Variants in ATG9A observed in about 807,000 individuals in gnomAD.
The protein encoded by ATG9A is autophagy related 9A, also known as autophagy-related protein 9A.
ATG9A carries 21 observed loss-of-function variants against 87.1 expected under a neutral mutation model. The ratio of observed to expected loss-of-function variants is 0.24; its 90% confidence interval spans 0.17 to 0.35. The LOEUF (loss-of-function observed/expected upper bound fraction) is 0.35, where lower values mean the gene tolerates loss of function less well. Ranked by LOEUF, ATG9A falls within the 10% of genes least tolerant of loss-of-function variation. The pLI, the probability that ATG9A is intolerant of heterozygous loss-of-function variation, is 1.00. For synonymous variants in ATG9A, 422 were observed against 441.3 expected, an observed-to-expected ratio of 0.96 and a Z score of 0.55; for missense variants, 836 against 1,107.3, an observed-to-expected ratio of 0.76 and a Z score of 3.48.
intron 13 of ATG9A, among the ~76,000 whole-genome samples, chr2:219,221,510 A>C (rs1465797655): frequency 6.6e-6 from 1 of 152,130 alleles, no homozygotes; most frequent in Non-Finnish European, 1.5e-5. Context: ...CTGTGTTGTA[A>C]TGGCCCTCAT....
At chr2:219,228,354 T>C in intron 2 of ATG9A, 80 bp downstream of exon 2, 1 of 299,930 alleles carries the variant, frequency 3.3e-6, no homozygotes, top group Non-Finnish European at 6.3e-6. Context: ...CCGCCCATCC[T>C]GGGAACCCTG....
intron 15 of ATG9A, 45 bp from the exon 16 acceptor site, chr2:219,220,497 G>A: frequency 6.2e-7 from 1 of 1,610,546 alleles, no homozygotes; most frequent in Non-Finnish European, 8.5e-7. Flanking sequence ...TTCAGCTTCT[G>A]GTTGATACCT....
intron 5 of ATG9A, among the ~76,000 whole-genome samples, 179 bp downstream of exon 5, chr2:219,226,690 A>G (rs992171993): frequency 6.6e-6 from 1 of 152,138 alleles, no homozygotes; most frequent in African/African-American, 2.4e-5. Flanking sequence ...CCATCTCAAA[A>G]AAAAAGAAAG....
At position 219,222,483 on chromosome 2, in the gene ATG9A, G is replaced by T; in HGVS notation, c.1849-33C>A. On this transcript the variant is annotated intron_variant, in intron 11 of 15. Coordinates refer to ENST00000361242, the MANE Select transcript of ATG9A (RefSeq NM_001077198.3). This position sits in a 1 kb window ranked among gnomAD's most constrained non-coding sequence, Gnocchi z 4.3. The stretch of plus-strand genomic sequence containing the variant: ...CGAAACGGGTAGGTAGAATTCTTGA[G>T]GCAAGAGAAAGGTCTCTGGGGTCCC... 1 of 1,542,988 alleles carries T rather than the reference G, an allele frequency of 6.5e-7. No individual in the cohort carries two copies. Among genetic ancestry groups the T allele is most frequent in the Non-Finnish European group, 8.7e-7 (1 of 1,146,086 alleles).
Position 219,223,531 on chromosome 2 carries a change from C to A in ATG9A, c.1599+54G>T. 1 of 1,531,382 alleles carries A rather than the reference C, an allele frequency of 6.5e-7. No homozygotes were observed. The highest frequency in any genetic ancestry group is 2.1e-5 in the Admixed American group (1 of 48,496). 94.9% of individuals were successfully genotyped at this position (1,531,382 alleles called of 1,614,324 possible). A position where few individuals can be genotyped will look rare whatever the true frequency, so the allele number is the denominator to read the frequency against. On this transcript the variant is annotated intron_variant, in intron 10 of 15. Transcript: ENST00000361242. The surrounding 1 kb of genome is among the most constrained non-coding windows in gnomAD (Gnocchi z 4.7). ...TGTCTTTTTGCGGTTTTCCCAAAGA[C>A]ACTGTATGTTCCAGCATCATCCCAG...
Position 219,222,241 on chromosome 2 carries a change from T to G in ATG9A, c.2027+31A>C. ...CCACACAAGCTGCTGAGGGCTGCCG[T>G]GCCCTCCCATCTTGGCCCCGATTTA... On this transcript the variant is annotated intron_variant, in intron 12 of 15. Coordinates refer to ENST00000361242, the MANE Select transcript of ATG9A (RefSeq NM_001077198.3). This position sits in a 1 kb window ranked among gnomAD's most constrained non-coding sequence, Gnocchi z 4.3. 1 of 1,613,396 alleles carries G rather than the reference T, an allele frequency of 6.2e-7. No individual in the cohort carries two copies. Among genetic ancestry groups the G allele is most frequent in the East Asian group, 2.2e-5 (1 of 44,870 alleles).
In ATG9A at chr2:219,225,475, G is replaced by A; in HGVS notation, c.310C>T (p.Pro104Ser). 1.2e-6 allele frequency: 2 copies of A among 1,614,200 alleles called. No homozygotes were observed. Among genetic ancestry groups the A allele is most frequent in the Non-Finnish European group, 1.7e-6 (2 of 1,180,032 alleles). The change falls in exon 6 of 16, where the codon CCT becomes TCT. Residue 104 changes from proline to serine, a missense_variant. Pro to Ser is a moderately conservative substitution (Grantham distance 74). This residue lies in a region of ATG9A where 512 missense variants were observed against 759.6 expected (regional missense o/e 0.67). Coordinates refer to ENST00000361242, the MANE Select transcript of ATG9A (RefSeq NM_001077198.3). ...ANKMVNHSLH[P>S]TEPVKVTLPD... The stretch of plus-strand genomic sequence containing the variant: ...AGAGTGACCTTGACGGGTTCAGTAG[G>A]GTGAAGACTGTGGTTCACCATCTTG...
chr2:219,220,513 C>T, intron 15 of ATG9A, 61 bp from the exon 16 acceptor site: 1 of 1,603,020 alleles, frequency 6.2e-7, no homozygotes, highest in East Asian at 2.2e-5. Context: ...TACCTGCTAG[C>T]CCCATAGAAA....
At position 219,223,722 on chromosome 2, in the gene ATG9A, G is replaced by A. The variant is rs761747353; in HGVS notation, c.1462C>T (p.Leu488Phe). ...EELLSPIVTP[L>F]ILIFCLRPRA... is the part of the protein sequence containing the mutation. ...GGGCGCAGGCAGAAGATGAGGATGA[G>A]GGGTGTGACAATGGGGCTCAGCAAC... Residue 488 changes from leucine (L) to phenylalanine (F), a missense_variant, in exon 10 of 16, where the codon CTC becomes TTC. Leu to Phe is a conservative substitution (Grantham distance 22, BLOSUM62 0). Transcript: ENST00000361242. The surrounding 1 kb of genome is among the most constrained non-coding windows in gnomAD (Gnocchi z 4.7). 75 of 1,613,546 alleles carry A rather than the reference G, an allele frequency of 4.6e-5. No homozygotes were observed. The highest frequency in any genetic ancestry group is 5.9e-5 in the Non-Finnish European group (70 of 1,179,876).
At position 219,222,748 on chromosome 2, in the gene ATG9A, T is replaced by A; in HGVS notation, c.1745A>T (p.Glu582Val). The A allele has an allele frequency of 1.2e-6, 2 of 1,614,184 alleles. No homozygotes were observed. The highest frequency in any genetic ancestry group is 1.1e-5 in the South Asian group (1 of 91,090). Reference protein sequence around the residue: ...ESTAFLGFLKEQVQRDGAAAS... With the variant: ...ESTAFLGFLKVQVQRDGAAAS... ...AGCTGCTCCATCCCGCTGAACCTGC[T>A]CCTTGAGGAAGCCTAGGAAGGCTGT... is the stretch of plus-strand genomic sequence containing the variant. The change falls in exon 11 of 16, where the codon GAG becomes GTG. Residue 582 changes from glutamate to valine, a missense_variant. By Grantham distance (121) the Glu-to-Val change is moderately radical. Coordinates refer to ENST00000361242, the MANE Select transcript of ATG9A (RefSeq NM_001077198.3). The surrounding 1 kb of genome is among the most constrained non-coding windows in gnomAD (Gnocchi z 4.3).
rs1950804526 is a variant in ATG9A at position 219,223,450 on chromosome 2, G to C, written c.1599+135C>G. ...CGAATTAGGGCTGAAATCCAGCCCA[G>C]GCTCCCAAGCAGTGTGCCCCTGGTA... On this transcript the variant is annotated intron_variant, in intron 10 of 15. Coordinates refer to ENST00000361242, the MANE Select transcript of ATG9A (RefSeq NM_001077198.3). This position sits in a 1 kb window ranked among gnomAD's most constrained non-coding sequence, Gnocchi z 4.7. 1 of 1,110,826 alleles carries C rather than the reference G, an allele frequency of 9.0e-7. No homozygotes were observed. Among genetic ancestry groups the C allele is most frequent in the Admixed American group, 3.1e-5 (1 of 32,776 alleles). The allele number at this position is 1,110,826 out of a possible 1,614,324, so 68.8% of individuals were successfully genotyped here.
In ATG9A at chr2:219,228,071, G is replaced by A. The variant is rs2106447339; in HGVS notation, c.-29-18C>T. The A allele has an allele frequency of 2.0e-6, 3 of 1,537,072 alleles. No individual in the cohort carries two copies. The highest frequency in any genetic ancestry group is 2.3e-5 in the South Asian group (2 of 88,132). ...TTGACCACCTGCCAATAAGGAGGAA[G>A]AAGAGACCCTGATTCAGTTCCAGCT... On this transcript the variant is annotated intron_variant, in intron 2 of 15. Coordinates refer to ENST00000361242, the MANE Select transcript of ATG9A (RefSeq NM_001077198.3).
At chr2:219,221,962 A>G (rs1301852157) in intron 13 of ATG9A, 88 bp downstream of exon 13, 3 of 1,189,920 alleles carry the variant, frequency 2.5e-6, no homozygotes, top group Non-Finnish European at 3.6e-6. Flanking sequence ...AGGTGGCAGA[A>G]CAAGTAAATG....
At chr2:219,227,728 A>G in intron 4 of ATG9A, 42 bp downstream of exon 4, 1 of 1,606,708 alleles carries the variant, frequency 6.2e-7, no homozygotes, top group Non-Finnish European at 8.5e-7. Context: ...TTAGAGAGAC[A>G]TTAAAGGTCC....
In ATG9A at chr2:219,222,556, C is replaced by T. The variant is rs1467786375; in HGVS notation, c.1848+89G>A. On this transcript the variant is annotated intron_variant, in intron 11 of 15. Coordinates refer to ENST00000361242, the MANE Select transcript of ATG9A (RefSeq NM_001077198.3). This position sits in a 1 kb window ranked among gnomAD's most constrained non-coding sequence, Gnocchi z 4.3. ...CCAGTGGCACATACTGAAGAGACAG[C>T]AGGAAGCCTTCCACCCCATGCCCGG... The T allele has an allele frequency of 3.8e-6, 6 of 1,584,510 alleles. No homozygotes were observed. The Admixed American group carries it at 5.1e-5, about 13-fold the overall frequency.
Position 219,226,903 on chromosome 2 carries a change from T to C in ATG9A, c.178A>G (p.Thr60Ala). 2 of 1,613,852 alleles carry C rather than the reference T, an allele frequency of 1.2e-6. No individual in the cohort carries two copies. The highest frequency in any genetic ancestry group is 1.7e-6 in the Non-Finnish European group (2 of 1,179,662). Residue 60 changes from threonine to alanine, a missense_variant, in exon 5 of 16, where the codon ACA becomes GCA. Thr to Ala is a moderately conservative substitution (Grantham distance 58). Coordinates refer to ENST00000361242, the MANE Select transcript of ATG9A (RefSeq NM_001077198.3). The part of the protein sequence containing the change: ...VYNLHQKNGF[T>A]CMLIGEIFEL... ...AAGATCTCCCCGATGAGCATACATG[T>C]GAAGCCATTCTTCTGGTGCAGATTA...
At position 219,223,493 on chromosome 2, in the gene ATG9A, G is replaced by C; in HGVS notation, c.1599+92C>G. 1 of 1,402,576 alleles carries C rather than the reference G, an allele frequency of 7.1e-7. No individual in the cohort carries two copies. Among genetic ancestry groups the C allele is most frequent in the Non-Finnish European group, 9.6e-7 (1 of 1,044,306 alleles). 86.9% of individuals were successfully genotyped at this position (1,402,576 alleles called of 1,614,324 possible). The stretch of plus-strand genomic sequence containing the variant: ...CCCTGGTATAGGACTGCCTTTGTGT[G>C]ACTCAGGAGAGGTGTCTTTTTGCGG... On this transcript the variant is annotated intron_variant, in intron 10 of 15. Transcript: ENST00000361242. This position sits in a 1 kb window ranked among gnomAD's most constrained non-coding sequence, Gnocchi z 4.7.
chr2:219,221,316 G>T lies in ATG9A; in HGVS notation c.2146-14C>A. On this transcript the variant is annotated splice_polypyrimidine_tract_variant and intron_variant, in intron 13 of 15. Coordinates refer to ENST00000361242, the MANE Select transcript of ATG9A (RefSeq NM_001077198.3). ...CTGCTTGTGGAGCTGGAGAAATGGG[G>T]GGCTCGTTAGTGGGGGACAGACGGA... is the stretch of plus-strand genomic sequence containing the variant. The T allele has an allele frequency of 6.5e-7, 1 of 1,544,086 alleles. No homozygotes were observed.
At chr2:219,220,674 C>G in intron 15 of ATG9A, 73 bp downstream of exon 15, 1 of 1,571,846 alleles carries the variant, frequency 6.4e-7, no homozygotes, top group Non-Finnish European at 8.7e-7. Flanking sequence ...TATCTTCCTT[C>G]CCCTGAAAAG....
Sources: allele counts gnomAD v4.1 joint callset (sites outside exome capture counted in the v4.1 genomes callset), GRCh38; gene constraint gnomAD v4.1.1; regional missense constraint gnomAD v4.1.1; non-coding constraint Gnocchi (gnomAD v3.1); transcripts MANE v1.5; gene names NCBI Gene and HGNC (gene_info 2026-07-23, HGNC 2026-07-21).